The following OPRM1 variants were observed in gnomAD, a reference collection of about 807,000 sequenced individuals.
The protein encoded by OPRM1 is mu-type opioid receptor.
A neutral mutation model predicts 31.8 loss-of-function variants in OPRM1; 27 were observed. The observed-to-expected ratio is 0.85, with a 90% CI of 0.63 to 1.17. The LOEUF (loss-of-function observed/expected upper bound fraction) is 1.17. Among genes scored for constraint, OPRM1 ranks in the 50% most tolerant of loss-of-function variants. The pLI is 0.00. For missense variants in OPRM1, 536 were observed against 511.1 expected, an observed-to-expected ratio of 1.05 and a Z score of -0.47; for synonymous variants, 196 against 189.9, an observed-to-expected ratio of 1.03 and a Z score of -0.26.
At chr6:154,214,179 A>C (rs1778195971) in intron 3 of OPRM1, 1 of 1,316,278 alleles carries the variant, frequency 7.6e-7, no homozygotes, top group Admixed American at 1.7e-5. Context: ...CTGTTCTAAT[A>C]TTCTTGCTAA....
In OPRM1 at chr6:154,146,781, C is replaced by T. The variant is rs554389999; in HGVS notation, c.1164+55309C>T. 5.9e-5 allele frequency among the ~76,000 whole-genome samples: 9 copies of T among 152,058 alleles called. No individual in the cohort carries two copies. In the South Asian group the frequency reaches 6.3e-4, roughly 11 times the overall value. On this transcript the variant is annotated intron_variant, in intron 3 of 3. Coordinates refer to the OPRM1 transcript ENST00000337049. Reference sequence around the variant, plus strand: ...GGCACCCCACATGGAAGAGCCATGCCGAGGGGTGGGTAACTGTCCTAGGTC... The same window carrying T: ...GGCACCCCACATGGAAGAGCCATGCTGAGGGGTGGGTAACTGTCCTAGGTC...
intron 1 of OPRM1, among the ~76,000 whole-genome samples, chr6:154,058,510 A>G (rs1783776233): frequency 6.6e-6 from 1 of 152,236 alleles, no homozygotes; most frequent in Admixed American, 6.5e-5. Context: ...AGCCCACATG[A>G]GAAACATCTA....
rs573136848 is a variant in OPRM1, at chr6:154,087,551, C to A, written c.291-2275C>A. On this transcript the variant is annotated intron_variant, in intron 1 of 3. Coordinates refer to ENST00000330432, the MANE Select transcript of OPRM1 (RefSeq NM_000914.5). ...TCCATTTTCAGACAAGCTCCTCCAG[C>A]AACTACATACCATGCGTCTTCTCAG... The A allele has an allele frequency of 8.1e-6, 8 of 985,440 alleles. No homozygotes were observed. The African/African-American group carries it at 1.0e-4, about 13-fold the overall frequency. 61.0% of individuals were successfully genotyped at this position (985,440 alleles called of 1,614,324 possible).
intron 3 of OPRM1, among the ~76,000 whole-genome samples, chr6:154,161,945 A>G (rs1799057298): frequency 6.6e-6 from 1 of 152,126 alleles, no homozygotes; most frequent in African/African-American, 2.4e-5. Flanking sequence ...TGACTATTTC[A>G]AAACTCTTCT....
chr6:154,142,608 G>A (rs568296644), intron 3 of OPRM1, among the ~76,000 whole-genome samples: 3 of 152,170 alleles, frequency 2.0e-5, no homozygotes, highest in Admixed American at 6.5e-5. Context: ...AAGGTCAAAC[G>A]GGGCACTTGT....
intron 3 of OPRM1, among the ~76,000 whole-genome samples, chr6:154,235,828 T>C (rs1780087897): frequency 6.6e-6 from 1 of 152,094 alleles, no homozygotes; most frequent in Non-Finnish European, 1.5e-5. Flanking sequence ...AAAAGGCAAA[T>C]CAAAGCCACC....
In OPRM1 at chr6:154,039,596, G is replaced by A. The variant is rs111339162; in HGVS notation, c.52G>A (p.Ala18Thr). ...CGCCAGCAATTGCACTGATGCCTTG[G>A]CGTACTCAAGTTGCTCCCCAGCACC... ...TNASNCTDAL[A>T]YSSCSPAPSP... Residue 18 changes from alanine (A) to threonine (T), a missense_variant, in exon 1 of 4, where the codon GCG becomes ACG. Coordinates refer to ENST00000330432, the MANE Select transcript of OPRM1 (RefSeq NM_000914.5). 52 of 1,613,792 alleles carry A rather than the reference G, an allele frequency of 3.2e-5. No individual in the cohort carries two copies. In the African/African-American group the frequency reaches 5.2e-4, roughly 16 times the overall value.
At position 154,127,322 on chromosome 6, in the gene OPRM1, T is replaced by TA. The variant is rs1797648096; in HGVS notation, c.*8604dup. 6.6e-6 allele frequency among the ~76,000 whole-genome samples: 1 copy of TA among 152,212 alleles called. No individual in the cohort carries two copies. The highest frequency in any genetic ancestry group is 1.5e-5 in the Non-Finnish European group (1 of 68,038). ...CTTCCAAAAGAAGAGGTCTCATTTATAAAGTGAATTTGAATAAAATGACCA... is the reference window on the plus strand; with the variant it reads ...CTTCCAAAAGAAGAGGTCTCATTTATAAAAGTGAATTTGAATAAAATGACCA... On this transcript the variant is annotated 3_prime_UTR_variant, in exon 4 of 4. Transcript: ENST00000330432.
chr6:154,085,149 G>A (rs1028851356), intron 1 of OPRM1, among the ~76,000 whole-genome samples: 1 of 152,180 alleles, frequency 6.6e-6, no homozygotes, highest in Admixed American at 6.5e-5. Context: ...ATCACATTTT[G>A]TAAGTAGTAA....
intron 3 of OPRM1, among the ~76,000 whole-genome samples, chr6:154,095,410 G>A (rs1046188908): frequency 3.9e-5 from 6 of 152,210 alleles, no homozygotes; most frequent in Non-Finnish European, 7.3e-5. Context: ...TGGCAGGCAT[G>A]ACCCCTTCAT....
At chr6:154,027,437 C>G (rs1481682560) in intron 1 of OPRM1, among the ~76,000 whole-genome samples, 1 of 152,206 alleles carries the variant, frequency 6.6e-6, no homozygotes, top group Non-Finnish European at 1.5e-5. Context: ...CAAGCCAACA[C>G]AGCACTGGGT....
intron 3 of OPRM1, among the ~76,000 whole-genome samples, chr6:154,109,792 CTGTGTGTGTG>C (rs377400514): frequency 5.9e-5 from 6 of 101,196 alleles, no homozygotes; most frequent in Admixed American, 2.1e-4. Context: ...CTCTCTCTCT[CTGTGTGTGTG>C]TGTGTGTGTG....
intron 3 of OPRM1, among the ~76,000 whole-genome samples, chr6:154,198,958 A>AGG (rs1776852222): frequency 6.6e-6 from 1 of 152,230 alleles, no homozygotes; most frequent in South Asian, 2.1e-4. Flanking sequence ...ATAGCGCACA[A>AGG]TCAGAAAAGA....
intron 3 of OPRM1, chr6:154,214,270 T>C (rs1778203795): frequency 6.2e-7 from 1 of 1,607,646 alleles, no homozygotes; most frequent in Non-Finnish European, 8.5e-7. Context: ...CAAGTTTATT[T>C]AACCACCTAA....
rs1442662921 is a variant in OPRM1 at position 154,124,836 on chromosome 6, C to T, written c.*6115C>T. ...CCATTCTACCATTGGAATTATTTGCCAACACACCTTGCTGCTACTTAGAGA... is the reference window on the plus strand; with the variant it reads ...CCATTCTACCATTGGAATTATTTGCTAACACACCTTGCTGCTACTTAGAGA... On this transcript the variant is annotated 3_prime_UTR_variant, in exon 4 of 4. Transcript: ENST00000330432. Among the ~76,000 whole-genome samples the T allele has an allele frequency of 6.6e-6, 1 of 152,146 alleles. No homozygotes were observed. The highest frequency in any genetic ancestry group is 6.5e-5 in the Admixed American group (1 of 15,270).
At chr6:154,095,252 T>C (rs1215860673) in intron 3 of OPRM1, among the ~76,000 whole-genome samples, 2 of 152,108 alleles carry the variant, frequency 1.3e-5, no homozygotes, top group East Asian at 1.9e-4. Flanking sequence ...GGTCGTGCCA[T>C]TGCACTCCAG....
chr6:154,016,138 A>AAT (rs1777991597), intron 1 of OPRM1, among the ~76,000 whole-genome samples: 1 of 152,152 alleles, frequency 6.6e-6, no homozygotes, highest in East Asian at 1.9e-4. Flanking sequence ...AAAAATCCAA[A>AAT]ATGCACAGGG....
At chr6:154,021,984 G>A (rs1164787762) in intron 1 of OPRM1, among the ~76,000 whole-genome samples, 1 of 152,016 alleles carries the variant, frequency 6.6e-6, no homozygotes, top group Non-Finnish European at 1.5e-5. Context: ...GCATTAGCTA[G>A]GACTTCCAAT....
intron 3 of OPRM1, chr6:154,221,172 T>C: frequency 5.4e-6 from 5 of 925,256 alleles, no homozygotes; most frequent in Non-Finnish European, 8.6e-6. Flanking sequence ...ATAATTGATA[T>C]GGACATATGA....
Sources: gnomAD v4.1 joint callset for allele counts (sites outside exome capture counted in the v4.1 genomes callset) on GRCh38, gnomAD v4.1.1 for gene constraint, MANE v1.5 for transcripts, NCBI Gene and HGNC (gene_info 2026-07-23, HGNC 2026-07-21) for gene names.